The following WDR11 variants were observed in gnomAD, a reference collection of about 807,000 sequenced individuals.
WDR11 encodes WD repeat domain 11, also known as WD repeat-containing protein 11.
In WDR11, 83 loss-of-function variants were observed where a neutral mutation model predicts 151.2. That is an observed-to-expected ratio of 0.55 (90% CI 0.46 to 0.66). The LOEUF is 0.66. Among genes scored for constraint, WDR11 ranks in the 30% least tolerant of loss-of-function variants. The probability of loss-of-function intolerance (pLI) is 0.00; values close to 1 mark genes in which losing one functional copy is unlikely to be tolerated. For missense variants in WDR11, 1,301 were observed against 1,480.9 expected, an observed-to-expected ratio of 0.88 and a Z score of 1.99; for synonymous variants, 484 against 533.1, an observed-to-expected ratio of 0.91 and a Z score of 1.27.
intron 7 of WDR11, 46 bp from the exon 8 acceptor site, chr10:120,866,523 T>G: frequency 6.2e-7 from 1 of 1,605,198 alleles, no homozygotes; most frequent in Non-Finnish European, 8.5e-7. Context: ...ACAGTAGTGG[T>G]ATCGATATGG....
At position 120,873,941 on chromosome 10, in the gene WDR11, A is replaced by C. The variant is rs1400780477; in HGVS notation, c.1556+18A>C. 1.3e-6 allele frequency: 2 copies of C among 1,552,510 alleles called. No homozygotes were observed. The highest frequency in any genetic ancestry group is 2.7e-5 in the African/African-American group (2 of 73,630). ...GAAGTCAAGTAAGTATGTCATTGTG[A>C]TGATGACATCACAAACATCATATCA... On this transcript the variant is annotated intron_variant, in intron 11 of 28. Transcript: ENST00000263461.
intron 4 of WDR11, chr10:120,862,424 T>G (rs1038413145): frequency 4.6e-5 from 11 of 238,476 alleles, no homozygotes; most frequent in African/African-American, 2.3e-4. Context: ...AAGGAAAGAT[T>G]TTTAATGAAA....
At chr10:120,898,671 A>G (rs1486651625) in intron 19 of WDR11, among the ~76,000 whole-genome samples, 1 of 152,008 alleles carries the variant, frequency 6.6e-6, no homozygotes, top group Non-Finnish European at 1.5e-5. Flanking sequence ...AGTTCTTAGG[A>G]GATCTGATGG....
In WDR11 at chr10:120,886,731, C is replaced by A; in HGVS notation, c.2016C>A (p.Asn672Lys). 2 of 1,614,022 alleles carry A rather than the reference C, an allele frequency of 1.2e-6. No individual in the cohort carries two copies. The highest frequency in any genetic ancestry group is 1.7e-6 in the Non-Finnish European group (2 of 1,179,972). ...EAESKSELSQ[N>K]ISAREHFVFT... is the part of the protein sequence containing the mutation. ...AAAGTAAATCTGAACTTAGTCAGAA[C>A]ATCTCTGCCCGGGAACATTTTGTAT... Residue 672 changes from asparagine to lysine, a missense_variant, in exon 16 of 29, where the codon AAC becomes AAA. Asn to Lys is a moderately conservative substitution (Grantham distance 94). Around this residue, in one of 3 missense-constraint regions of WDR11, gnomAD observed 589 missense variants for 670.6 expected, o/e 0.88. Coordinates refer to ENST00000263461, the MANE Select transcript of WDR11 (RefSeq NM_018117.12).
chr10:120,879,863 C>G (rs887833408), intron 12 of WDR11: 32 of 152,152 alleles, frequency 2.1e-4, no homozygotes, highest in Non-Finnish European at 4.1e-4. Context: ...AGATAAAAAT[C>G]TAACACAAGA....
In WDR11 at chr10:120,860,253, T is replaced by C; in HGVS notation, c.497T>C (p.Phe166Ser). ...SYADNILSFS[F>S]DPFDPSHLTL... Reference sequence around the variant, plus strand: ...GCAGATAACATTCTTTCTTTTTCTTTTGACCCTTTTGATCCCTCACATTTA... The same window carrying C: ...GCAGATAACATTCTTTCTTTTTCTTCTGACCCTTTTGATCCCTCACATTTA... The change falls in exon 4 of 29, where the codon TTT becomes TCT. Residue 166 changes from phenylalanine to serine, a missense_variant. Coordinates refer to ENST00000263461, the MANE Select transcript of WDR11 (RefSeq NM_018117.12). 1 of 1,614,108 alleles carries C rather than the reference T, an allele frequency of 6.2e-7. No homozygotes were observed. Among genetic ancestry groups the C allele is most frequent in the Non-Finnish European group, 8.5e-7 (1 of 1,180,042 alleles).
chr10:120,869,327 A>G (rs890808265), intron 9 of WDR11, among the ~76,000 whole-genome samples: 1 of 151,864 alleles, frequency 6.6e-6, no homozygotes, highest in African/African-American at 2.4e-5. Flanking sequence ...GTTAGCCAGG[A>G]TGGTCTCGAT....
At chr10:120,852,395 C>A in intron 1 of WDR11, 129 bp from the exon 2 acceptor site, 2 of 758,094 alleles carry the variant, frequency 2.6e-6, no homozygotes, top group Admixed American at 2.1e-5. Flanking sequence ...TAAATACTGG[C>A]CTTTGGGTTT....
At chr10:120,887,687 C>T (rs565798747) in intron 16 of WDR11, among the ~76,000 whole-genome samples, 149 of 152,268 alleles carry the variant, frequency 9.8e-4, no homozygotes, top group Middle Eastern at 6.8e-3. Context: ...TGGCTGTTGA[C>T]GAGGGACCTT....
At position 120,904,084 on chromosome 10, in the gene WDR11, A is replaced by G; in HGVS notation, c.2969A>G (p.Lys990Arg). 6.2e-7 allele frequency: 1 copy of G among 1,613,658 alleles called. No individual in the cohort carries two copies. Among genetic ancestry groups the G allele is most frequent in the East Asian group, 2.2e-5 (1 of 44,818 alleles). ...QLERVNLQEV[K>R]RSTYDHTRKC... Reference sequence around the variant, plus strand: ...GAAAGGGTTAATCTGCAGGAAGTGAAACGGTCAACTTATGATCATACAAGG... The same window carrying G: ...GAAAGGGTTAATCTGCAGGAAGTGAGACGGTCAACTTATGATCATACAAGG... Residue 990 changes from lysine (K) to arginine (R), a missense_variant, in exon 24 of 29, where the codon AAA (lysine) becomes AGA (arginine). Transcript: ENST00000263461.
chr10:120,856,941 G>A (rs1418446274), intron 2 of WDR11, among the ~76,000 whole-genome samples: 2 of 152,032 alleles, frequency 1.3e-5, no homozygotes, highest in Non-Finnish European at 2.9e-5. Context: ...GTGAGGCTCT[G>A]GTCACAACAT....
intron 2 of WDR11, 31 bp downstream of exon 2, chr10:120,852,666 G>A (rs1232687718): frequency 6.4e-7 from 1 of 1,571,438 alleles, no homozygotes; most frequent in African/African-American, 1.3e-5. Context: ...ACGCTAACAT[G>A]TTGTCTAGTC....
chr10:120,851,521 C>G lies in WDR11; in HGVS notation c.86+15C>G. ...GCGGTGGACTGGTGAGGACGCCGAG[C>G]TTCCAGGTCGCCAGGATCGGCCAGG... On this transcript the variant is annotated intron_variant, in intron 1 of 28. Transcript: ENST00000263461. 6.2e-7 allele frequency: 1 copy of G among 1,607,234 alleles called. No homozygotes were observed. Among genetic ancestry groups the G allele is most frequent in the Admixed American group, 1.7e-5 (1 of 59,080 alleles).
intron 16 of WDR11, 82 bp from the exon 17 acceptor site, chr10:120,888,996 A>G (rs1847322299): frequency 9.2e-7 from 1 of 1,092,296 alleles, no homozygotes; most frequent in African/African-American, 1.6e-5. Context: ...AGCCCTTTAA[A>G]TTAAGTTTTA....
chr10:120,851,484 CACA>C lies in WDR11; in HGVS notation c.69_71del (p.Asn23del). 6.2e-7 allele frequency: 1 copy of C among 1,611,954 alleles called. No individual in the cohort carries two copies. The highest frequency in any genetic ancestry group is 8.5e-7 in the Non-Finnish European group (1 of 1,179,684). On this transcript the variant is annotated inframe_deletion, in exon 1 of 29. Coordinates refer to ENST00000263461, the MANE Select transcript of WDR11 (RefSeq NM_018117.12). ...CACCCTCACGGGGGCCCTCAACGCC[CACA>C]ACAAGGCGGCGGTGGACTGGTGAGG...
At chr10:120,891,195 C>CA (rs1847419006) in intron 19 of WDR11, among the ~76,000 whole-genome samples, 1 of 152,110 alleles carries the variant, frequency 6.6e-6, no homozygotes. Flanking sequence ...AGAATTTAGG[C>CA]AAACTCATCA....
At chr10:120,871,399 G>C in intron 10 of WDR11, 53 bp downstream of exon 10, 1 of 1,553,326 alleles carries the variant, frequency 6.4e-7, no homozygotes, top group Non-Finnish European at 8.8e-7. Flanking sequence ...AAGATGTTTA[G>C]GTTTTCTAGT....
chr10:120,860,287 G>A lies in WDR11; in HGVS notation c.526+5G>A. 1 of 1,612,904 alleles carries A rather than the reference G, an allele frequency of 6.2e-7. No homozygotes were observed. The highest frequency in any genetic ancestry group is 8.5e-7 in the Non-Finnish European group (1 of 1,179,944). On this transcript the variant is annotated splice_donor_5th_base_variant and intron_variant, in intron 4 of 28. Transcript: ENST00000263461. ...TTGATCCCTCACATTTAACTTGTGA[G>A]TAACAGTTGCTTGTGGAAAATGAGT...
intron 11 of WDR11, among the ~76,000 whole-genome samples, chr10:120,877,816 C>G (rs368318964): frequency 5.9e-5 from 9 of 152,032 alleles, no homozygotes; most frequent in African/African-American, 2.2e-4. Flanking sequence ...TATACTGTGC[C>G]GGGGACTCAT....
Sources: allele counts gnomAD v4.1 joint callset (sites outside exome capture counted in the v4.1 genomes callset), GRCh38; gene constraint gnomAD v4.1.1; regional missense constraint gnomAD v4.1.1; transcripts MANE v1.5; gene names NCBI Gene and HGNC (gene_info 2026-07-23, HGNC 2026-07-21).